SMG6: variants seen among roughly 807,000 people sequenced by gnomAD.
SMG6 encodes telomerase-binding protein EST1A.
SMG6 carries 66 observed loss-of-function variants against 142.2 expected under a neutral mutation model. The ratio of observed to expected loss-of-function variants is 0.46; its 90% confidence interval spans 0.38 to 0.57. SMG6 has a LOEUF of 0.57. Among genes scored for constraint, SMG6 ranks in the 20% least tolerant of loss-of-function variants. The pLI, the probability that SMG6 is intolerant of heterozygous loss-of-function variation, is 0.00. For synonymous variants in SMG6, 779 were observed against 702.4 expected, an observed-to-expected ratio of 1.11 and a Z score of -1.72; for missense variants, 1,793 against 1,832.0, an observed-to-expected ratio of 0.98 and a Z score of 0.39.
intron 8 of SMG6, among the ~76,000 whole-genome samples, chr17:2,250,647 G>T (rs2074026310): frequency 6.6e-6 from 1 of 152,006 alleles, no homozygotes; most frequent in South Asian, 2.1e-4. Context: ...CCCTCCTAAA[G>T]TAGTGGGATT....
rs1300319307 is a variant in SMG6 at position 2,283,701 on chromosome 17, C to T, written c.2372G>A (p.Arg791His). The T allele has an allele frequency of 3.1e-6, 5 of 1,614,044 alleles. No homozygotes were observed. The highest frequency in any genetic ancestry group is 4.2e-6 in the Non-Finnish European group (5 of 1,180,010). ...GATAGGGTTGCTGGCAGCTAAACTG[C>T]GCATATAGTAATAGACAGCGTCAAG... Reference protein sequence around the residue: ...RKLDAVYYYMRSLAASNPILT... With the variant: ...RKLDAVYYYMHSLAASNPILT... Residue 791 changes from arginine to histidine, a missense_variant, in exon 7 of 19, where the codon CGC becomes CAC. Arg to His is a conservative substitution (Grantham distance 29, BLOSUM62 0). Transcript: ENST00000263073.
At chr17:2,268,140 T>C (rs112868998) in intron 8 of SMG6, among the ~76,000 whole-genome samples, 18 of 152,214 alleles carry the variant, frequency 1.2e-4, no homozygotes, top group African/African-American at 2.6e-4. Context: ...CCTGGGTTCA[T>C]GCAATTTCCC....
At chr17:2,121,240 C>CTCTA (rs1443578903) in intron 13 of SMG6, among the ~76,000 whole-genome samples, 1 of 137,976 alleles carries the variant, frequency 7.2e-6, no homozygotes, top group Non-Finnish European at 1.6e-5. Flanking sequence ...CAGCTAAAAA[C>CTCTA]TAGAAACAGA....
rs1234848430 is a variant in SMG6 at position 2,172,773 on chromosome 17, T to C, written c.3242A>G (p.Asp1081Gly). 1 of 1,614,032 alleles carries C rather than the reference T, an allele frequency of 6.2e-7. No homozygotes were observed. The highest frequency in any genetic ancestry group is 1.7e-5 in the Admixed American group (1 of 60,024). The change falls in exon 13 of 19, where the codon GAC (aspartate) becomes GGC (glycine). Residue 1081 changes from aspartate (D) to glycine (G), a missense_variant. Asp to Gly is a moderately conservative substitution (Grantham distance 94). Coordinates refer to ENST00000263073, the MANE Select transcript of SMG6 (RefSeq NM_017575.5). Reference protein sequence around the residue: ...VNQSEVPLYKDPDDDLTLLIL... With the variant: ...VNQSEVPLYKGPDDDLTLLIL... The stretch of plus-strand genomic sequence containing the variant: ...AAGAAGGGTGAGGTCATCATCCGGG[T>C]CCTTGTACAGTGGCACCTCAGACTG...
intron 13 of SMG6, among the ~76,000 whole-genome samples, chr17:2,160,825 T>C (rs1473594247): frequency 6.6e-6 from 1 of 151,982 alleles, no homozygotes; most frequent in Non-Finnish European, 1.5e-5. Context: ...GGCAAGACCC[T>C]GTCTCAAAAA....
At chr17:2,148,589 T>A (rs1231920116) in intron 13 of SMG6, among the ~76,000 whole-genome samples, 2 of 152,220 alleles carry the variant, frequency 1.3e-5, no homozygotes. Context: ...CTGGGCACCA[T>A]GGCTCATACT....
At chr17:2,180,212 G>GT (rs1248460894) in intron 12 of SMG6, among the ~76,000 whole-genome samples, 4 of 152,200 alleles carry the variant, frequency 2.6e-5, no homozygotes, top group African/African-American at 7.2e-5. Context: ...GCTTGGTGTG[G>GT]ATGGGAACAC....
intron 8 of SMG6, among the ~76,000 whole-genome samples, chr17:2,261,016 AG>A (rs200787464): frequency 0.016 from 2,327 of 149,046 alleles, 27 homozygotes; most frequent in Non-Finnish European, 0.023. Context: ...TTAAGAAAAA[AG>A]AAAAAAAAGT....
intron 13 of SMG6, among the ~76,000 whole-genome samples, chr17:2,103,769 A>G (rs2069076697): frequency 2.6e-5 from 4 of 152,092 alleles, no homozygotes; most frequent in Non-Finnish European, 1.5e-5. Context: ...TGTGAGCCCT[A>G]TAGGAGACTG....
intron 15 of SMG6, among the ~76,000 whole-genome samples, chr17:2,070,249 C>T (rs1429043417): frequency 2.0e-5 from 3 of 152,242 alleles, no homozygotes; most frequent in Non-Finnish European, 4.4e-5. Context: ...TCTGCCACTA[C>T]AGAACATGGC....
intron 13 of SMG6, among the ~76,000 whole-genome samples, chr17:2,163,861 G>A (rs534443990): frequency 2.6e-5 from 4 of 151,996 alleles, no homozygotes; most frequent in East Asian, 3.9e-4. Context: ...TCAGGAGTTC[G>A]CGACCAGCCT....
chr17:2,114,492 C>T, intron 13 of SMG6, among the ~76,000 whole-genome samples: 1 of 152,010 alleles, frequency 6.6e-6, no homozygotes, highest in Non-Finnish European at 1.5e-5. Flanking sequence ...GTGGGTGGAA[C>T]TGGAGTGAGA....
In SMG6 at chr17:2,185,653, G is replaced by C. The variant is rs559259468; in HGVS notation, c.3155+1010C>G. On this transcript the variant is annotated intron_variant, in intron 12 of 18. Transcript: ENST00000263073. ...CTGAGAGATGCCAGACTGACACACAGAGACAGGGGGCGAGGGCAGGCTCAT... is the reference window on the plus strand; with the variant it reads ...CTGAGAGATGCCAGACTGACACACACAGACAGGGGGCGAGGGCAGGCTCAT... Among the ~76,000 whole-genome samples, 31 of 152,224 alleles carry C rather than the reference G, an allele frequency of 2.0e-4. No homozygotes were observed. The South Asian group carries it at 5.0e-3, about 24-fold the overall frequency.
chr17:2,239,094 T>C (rs2073740057), intron 9 of SMG6, among the ~76,000 whole-genome samples: 2 of 152,164 alleles, frequency 1.3e-5, no homozygotes, highest in Admixed American at 1.3e-4. Flanking sequence ...TACCTGTAAG[T>C]AGTTTTATGT....
At chr17:2,152,289 G>A (rs905765183) in intron 13 of SMG6, among the ~76,000 whole-genome samples, 1 of 152,188 alleles carries the variant, frequency 6.6e-6, no homozygotes, top group Non-Finnish European at 1.5e-5. Flanking sequence ...TTCAAAAGGG[G>A]TGGTCCTCAC....
chr17:2,150,788 G>T (rs1184946935), intron 13 of SMG6, among the ~76,000 whole-genome samples: 2 of 152,056 alleles, frequency 1.3e-5, no homozygotes, highest in African/African-American at 4.8e-5. Context: ...ATGAGTATTG[G>T]TCTAATTAGG....
At chr17:2,184,469 C>A (rs1461761456) in intron 12 of SMG6, among the ~76,000 whole-genome samples, 5 of 151,036 alleles carry the variant, frequency 3.3e-5, no homozygotes, top group African/African-American at 1.2e-4. Flanking sequence ...ACCAGCCTGG[C>A]CAACATAGTG....
chr17:2,231,520 AC>A (rs1163171473), intron 10 of SMG6, among the ~76,000 whole-genome samples: 1 of 152,000 alleles, frequency 6.6e-6, no homozygotes, highest in Non-Finnish European at 1.5e-5. Flanking sequence ...ACATGGTGAA[AC>A]CCCCGTCTCT....
Position 2,188,446 on chromosome 17 carries a change from G to GT in SMG6, c.2938_2939insA (p.Ser980TyrfsTer12). 6.2e-7 allele frequency: 1 copy of GT among 1,614,156 alleles called. No individual in the cohort carries two copies. Among genetic ancestry groups the GT allele is most frequent in the East Asian group, 2.2e-5 (1 of 44,876 alleles). ...GCAGGTGCAGCGGCGGACCAGTAGA[G>GT]AAAACATGGCCAAGCCCAGAGCTGC... On this transcript the variant is annotated frameshift_variant, in exon 11 of 19. Transcript: ENST00000263073. LOFTEE classifies it high-confidence loss of function.
Sources: gnomAD v4.1 joint callset for allele counts (sites outside exome capture counted in the v4.1 genomes callset) on GRCh38, gnomAD v4.1.1 for gene constraint, MANE v1.5 for transcripts, NCBI Gene and HGNC (gene_info 2026-07-23, HGNC 2026-07-21) for gene names.